LNPK: variants seen among roughly 807,000 people sequenced by gnomAD.
LNPK encodes the protein endoplasmic reticulum junction formation protein lunapark.
A neutral mutation model predicts 55.2 loss-of-function variants in LNPK; 29 were observed. The ratio of observed to expected loss-of-function variants is 0.53; its 90% CI spans 0.39 to 0.72. The LOEUF (loss-of-function observed/expected upper bound fraction) is 0.72. LNPK is among the 30% of genes least tolerant of loss of function. LNPK has a pLI of 0.00. For synonymous variants in LNPK, 162 were observed against 168.2 expected (o/e 0.96, Z 0.29); for missense variants, 467 against 494.8 (o/e 0.94, Z 0.53).
At chr2:175,966,236 G>T (rs543501758) in intron 6 of LNPK, among the ~76,000 whole-genome samples, 1 of 152,106 alleles carries the variant, frequency 6.6e-6, no homozygotes, top group Non-Finnish European at 1.5e-5. Context: ...GCTAGTTTTT[G>T]TATTTTTAGT....
chr2:176,001,408 A>G (rs761509225), intron 1 of LNPK, among the ~76,000 whole-genome samples: 5 of 152,218 alleles, frequency 3.3e-5, no homozygotes, highest in Non-Finnish European at 7.3e-5. Context: ...CTTGCTTAGT[A>G]CTGTGAAAGC....
chr2:175,995,590 A>G lies in LNPK; in HGVS notation c.-6T>C. The G allele has an allele frequency of 6.2e-7, 1 of 1,608,956 alleles. No individual in the cohort carries two copies. Among genetic ancestry groups the G allele is most frequent in the Non-Finnish European group, 8.5e-7 (1 of 1,175,822 alleles). On this transcript the variant is annotated 5_prime_UTR_variant, in exon 2 of 13. The change abolishes the stop of an existing upstream ORF in the 5' untranslated region. Coordinates refer to ENST00000272748, the MANE Select transcript of LNPK (RefSeq NM_030650.3). ...CGAGAAAATAATCCACCCATCTTTT[A>G]TTTGTAGAAACTGGGCACAATGATA...
chr2:175,998,994 AG>A (rs1490031382), intron 1 of LNPK, among the ~76,000 whole-genome samples: 1 of 152,212 alleles, frequency 6.6e-6, no homozygotes, highest in African/African-American at 2.4e-5. Context: ...CCCTGAAGCA[AG>A]GGATTATGCT....
intron 9 of LNPK, among the ~76,000 whole-genome samples, chr2:175,940,652 C>G (rs1261006522): frequency 1.3e-5 from 2 of 151,972 alleles, no homozygotes; most frequent in Admixed American, 1.3e-4. Context: ...TGCCAATAAG[C>G]AGGAAAATAT....
At position 175,929,266 on chromosome 2, in the gene LNPK, A is replaced by G. The variant is rs960199404; in HGVS notation, c.*701T>C. 3.2e-5 allele frequency: 31 copies of G among 966,632 alleles called. No individual in the cohort carries two copies. The highest frequency in any genetic ancestry group is 3.7e-5 in the Non-Finnish European group (30 of 812,412). 59.9% of individuals were successfully genotyped at this position (966,632 alleles called of 1,614,324 possible). On this transcript the variant is annotated 3_prime_UTR_variant, in exon 13 of 13. Transcript: ENST00000272748. ...ATATTTCCTATATGCTAGTGTGTAA[A>G]TATAAACTAATTATATACATAATGT...
At chr2:175,939,424 G>GTA in intron 10 of LNPK, 128 bp downstream of exon 10, 1 of 442,578 alleles carries the variant, frequency 2.3e-6, no homozygotes, top group Non-Finnish European at 4.1e-6. Flanking sequence ...CTTTTGCAGG[G>GTA]CTATAAAATA....
At chr2:175,930,836 A>G (rs1684249850) in intron 12 of LNPK, among the ~76,000 whole-genome samples, 1 of 152,142 alleles carries the variant, frequency 6.6e-6, no homozygotes, top group South Asian at 2.1e-4. Context: ...GTCAGAATGT[A>G]CTACATACCT....
chr2:175,971,386 G>A (rs1262189669), intron 5 of LNPK, among the ~76,000 whole-genome samples: 2 of 152,052 alleles, frequency 1.3e-5, no homozygotes. Flanking sequence ...GGAACAGAAA[G>A]AATCACCTCA....
chr2:175,946,843 C>T (rs1331213213), intron 9 of LNPK, among the ~76,000 whole-genome samples: 1 of 152,146 alleles, frequency 6.6e-6, no homozygotes, highest in Non-Finnish European at 1.5e-5. Flanking sequence ...GCCCCAGTCA[C>T]ACTCCAAAAG....
At chr2:175,937,222 G>A in intron 12 of LNPK, 122 bp downstream of exon 12, 1 of 895,274 alleles carries the variant, frequency 1.1e-6, no homozygotes. Flanking sequence ...CAGAGCCGTA[G>A]TTGACATATG....
At position 175,929,368 on chromosome 2, in the gene LNPK, G is replaced by C. The variant is rs1305461191; in HGVS notation, c.*599C>G. ...GACTGTTTCATTGCATTCTCACTGA[G>C]AATTCGTACCAGTGCCAACGTAGTT... On this transcript the variant is annotated 3_prime_UTR_variant, in exon 13 of 13. Transcript: ENST00000272748. The C allele has an allele frequency of 3.2e-5, 32 of 985,748 alleles. No homozygotes were observed. The highest frequency in any genetic ancestry group is 1.1e-4 in the East Asian group (1 of 8,818). 61.1% of individuals were successfully genotyped at this position (985,748 alleles called of 1,614,324 possible). A position where few individuals can be genotyped will look rare whatever the true frequency, so the allele number is the denominator to read the frequency against.
At chr2:175,939,487 G>A in intron 10 of LNPK, 65 bp downstream of exon 10, 3 of 839,986 alleles carry the variant, frequency 3.6e-6, no homozygotes, top group Non-Finnish European at 3.8e-6. Context: ...AAAACATCTA[G>A]TGTGTACACA....
chr2:175,960,320 C>G (rs1685948980), intron 8 of LNPK, among the ~76,000 whole-genome samples: 1 of 152,104 alleles, frequency 6.6e-6, no homozygotes, highest in African/African-American at 2.4e-5. Flanking sequence ...TAAAGCACTC[C>G]TCAGCAAATG....
At chr2:175,967,560 T>G in intron 6 of LNPK, 1 of 774,632 alleles carries the variant, frequency 1.3e-6, no homozygotes. Context: ...AAGAAAACTT[T>G]CTTTCATTTC....
intron 10 of LNPK, 46 bp downstream of exon 10, chr2:175,939,506 C>CAT (rs1298218932): frequency 2.8e-6 from 3 of 1,069,260 alleles, no homozygotes; most frequent in Non-Finnish European, 4.3e-6. Context: ...CACACACACA[C>CAT]ATCCTGTTTT....
Position 175,995,544 on chromosome 2 carries a change from G to A in LNPK, c.27+14C>T. The stretch of plus-strand genomic sequence containing the variant: ...ATTAGACTCAAGAACTAGCTGTAAA[G>A]AAAAGTACCTTACCCTCCATCGAGA... On this transcript the variant is annotated intron_variant, in intron 2 of 12. Transcript: ENST00000272748. 2 of 1,601,010 alleles carry A rather than the reference G, an allele frequency of 1.2e-6. No homozygotes were observed. The highest frequency in any genetic ancestry group is 2.7e-5 in the African/African-American group (2 of 74,394).
Position 175,987,057 on chromosome 2 carries a change from T to G in LNPK, c.257+5174A>C, listed in dbSNP as rs571974141. On this transcript the variant is annotated intron_variant, in intron 4 of 12. Transcript: ENST00000272748. Reference sequence around the variant, plus strand: ...TATATGATTGCATACTTGGAAGCTCTCAAAGAATCAACCAAAAAAATTATT... The same window carrying G: ...TATATGATTGCATACTTGGAAGCTCGCAAAGAATCAACCAAAAAAATTATT... Among the ~76,000 whole-genome samples, 8 of 151,684 alleles carry G rather than the reference T, an allele frequency of 5.3e-5. No homozygotes were observed. The South Asian group carries it at 1.0e-3, about 20-fold the overall frequency.
At chr2:175,946,440 T>C (rs1365607083) in intron 9 of LNPK, among the ~76,000 whole-genome samples, 1 of 152,178 alleles carries the variant, frequency 6.6e-6, no homozygotes, top group Non-Finnish European at 1.5e-5. Flanking sequence ...TTTAAAAGTA[T>C]TGTTTTATGT....
rs1029004757 is a variant in LNPK at position 175,937,429 on chromosome 2, C to T, written c.969G>A (p.Glu323=). ...QAPRLPEFSF[E]KRQVVEGSSS... is the part of the protein sequence containing the mutation. Reference sequence around the variant, plus strand: ...TTGAACCTTCCACCACCTGCCTCTTCTCAAAACTAAACTCAGGAAGTCTTG... The same window carrying T: ...TTGAACCTTCCACCACCTGCCTCTTTTCAAAACTAAACTCAGGAAGTCTTG... Residue 323 remains glutamate (E), a synonymous_variant, in exon 12 of 13, where the codon GAG becomes GAA. Transcript: ENST00000272748. 9 of 1,613,742 alleles carry T rather than the reference C, an allele frequency of 5.6e-6. No individual in the cohort carries two copies. The highest frequency in any genetic ancestry group is 3.3e-4 in the Middle Eastern group (2 of 6,084).
Sources: gnomAD v4.1 joint callset for allele counts (sites outside exome capture counted in the v4.1 genomes callset) on GRCh38, gnomAD v4.1.1 for gene constraint, MANE v1.5 for transcripts, NCBI Gene and HGNC (gene_info 2026-07-23, HGNC 2026-07-21) for gene names.